CLSTN1: variants seen among roughly 807,000 people sequenced by gnomAD.
CLSTN1 encodes the protein calsyntenin-1.
In CLSTN1, 28 loss-of-function variants were observed where a neutral mutation model predicts 108.3. The ratio of observed to expected loss-of-function variants is 0.26; its 90% CI spans 0.19 to 0.35. The LOEUF is 0.35. Ranked by LOEUF, CLSTN1 falls within the 10% of genes least tolerant of loss-of-function variation. CLSTN1 has a pLI of 1.00. For missense variants in CLSTN1, 1,157 were observed against 1,302.6 expected (o/e 0.89, Z 1.72); for synonymous variants, 524 against 534.9 (o/e 0.98, Z 0.28).
chr1:9,792,714 T>G (rs1210866972), intron 1 of CLSTN1, among the ~76,000 whole-genome samples: 1 of 151,410 alleles, frequency 6.6e-6, no homozygotes, highest in Non-Finnish European at 1.5e-5. Context: ...GATGGGTCCC[T>G]GAAACAAGAG....
chr1:9,771,046 TAGTA>T (rs1652650977), intron 2 of CLSTN1, among the ~76,000 whole-genome samples: 2 of 151,994 alleles, frequency 1.3e-5, no homozygotes, highest in South Asian at 4.2e-4. Context: ...ATTAACAACA[TAGTA>T]AGATCACACT....
At chr1:9,806,740 G>T (rs148878941) in intron 1 of CLSTN1, among the ~76,000 whole-genome samples, 4 of 151,724 alleles carry the variant, frequency 2.6e-5, no homozygotes, top group Non-Finnish European at 5.9e-5. Flanking sequence ...TTAACCGGGC[G>T]TGGTGGCGGG....
chr1:9,738,880 G>A (rs1171909012), intron 10 of CLSTN1, among the ~76,000 whole-genome samples: 1 of 152,154 alleles, frequency 6.6e-6, no homozygotes, highest in East Asian at 1.9e-4. Context: ...AAATTCTCCT[G>A]ACCTTGAGTG....
At chr1:9,747,908 G>A (rs1052592685) in intron 7 of CLSTN1, among the ~76,000 whole-genome samples, 2 of 151,972 alleles carry the variant, frequency 1.3e-5, no homozygotes, top group African/African-American at 4.8e-5. Context: ...GCCGGGCATG[G>A]TGGCAGGTGC....
intron 9 of CLSTN1, 21 bp from the exon 10 acceptor site, chr1:9,741,277 G>A (rs760567652): frequency 2.6e-5 from 41 of 1,592,602 alleles, no homozygotes; most frequent in Admixed American, 5.0e-5. Context: ...AAAGGGAAGC[G>A]GGGAGGTGTG....
chr1:9,745,768 T>G (rs1412983942), intron 7 of CLSTN1, among the ~76,000 whole-genome samples: 4 of 141,122 alleles, frequency 2.8e-5, no homozygotes, highest in African/African-American at 5.3e-5. Context: ...AATAGTTGTT[T>G]TTTTTTTTTT....
intron 1 of CLSTN1, among the ~76,000 whole-genome samples, chr1:9,798,496 G>A (rs1654112074): frequency 6.6e-6 from 1 of 152,200 alleles, no homozygotes; most frequent in Non-Finnish European, 1.5e-5. Context: ...AAAAGGTCAC[G>A]TATCACATGA....
At chr1:9,737,679 C>G in intron 10 of CLSTN1, 125 bp from the exon 11 acceptor site, 1 of 827,118 alleles carries the variant, frequency 1.2e-6, no homozygotes. Flanking sequence ...CCTCGTGATC[C>G]CGCTCTGGGA....
chr1:9,795,822 G>A (rs1007255130), intron 1 of CLSTN1, among the ~76,000 whole-genome samples: 1 of 150,952 alleles, frequency 6.6e-6, no homozygotes, highest in African/African-American at 2.4e-5. Flanking sequence ...AAGCATGGTG[G>A]TGCATGCCTA....
At chr1:9,792,888 T>G (rs768081193) in intron 1 of CLSTN1, among the ~76,000 whole-genome samples, 1 of 151,388 alleles carries the variant, frequency 6.6e-6, no homozygotes, top group Non-Finnish European at 1.5e-5. Context: ...AGCTAAGTTT[T>G]GTGAAACGGA....
intron 2 of CLSTN1, among the ~76,000 whole-genome samples, chr1:9,769,991 C>A (rs1361932312): frequency 6.8e-6 from 1 of 146,324 alleles, no homozygotes; most frequent in Non-Finnish European, 1.5e-5. Flanking sequence ...GATCGCGCCA[C>A]TGCACCCCAG....
chr1:9,787,494 C>T (rs1653552750), intron 1 of CLSTN1, among the ~76,000 whole-genome samples: 1 of 147,462 alleles, frequency 6.8e-6, no homozygotes, highest in South Asian at 2.3e-4. Flanking sequence ...AGCTCCGCCT[C>T]CCGGGTTCAC....
chr1:9,753,151 C>T (rs1008375172), intron 4 of CLSTN1, among the ~76,000 whole-genome samples: 2 of 152,096 alleles, frequency 1.3e-5, no homozygotes, highest in African/African-American at 4.8e-5. Flanking sequence ...ATCAGGCAGT[C>T]GATTCTCATA....
chr1:9,753,905 C>T (rs771986637), intron 4 of CLSTN1, among the ~76,000 whole-genome samples: 4 of 152,020 alleles, frequency 2.6e-5, no homozygotes, highest in Non-Finnish European at 4.4e-5. Flanking sequence ...CTCAACCTCT[C>T]GGGCTCAAGC....
chr1:9,774,340 C>T (rs771390419), intron 1 of CLSTN1, among the ~76,000 whole-genome samples: 2 of 151,926 alleles, frequency 1.3e-5, no homozygotes, highest in Non-Finnish European at 2.9e-5. Context: ...CTGACGAGGG[C>T]GGATCACCTG....
chr1:9,757,020 C>T (rs1240510419), intron 2 of CLSTN1, among the ~76,000 whole-genome samples: 10 of 151,632 alleles, frequency 6.6e-5, no homozygotes, highest in South Asian at 2.1e-4. Context: ...CCTCGTGATC[C>T]GCCCACCTCG....
intron 11 of CLSTN1, among the ~76,000 whole-genome samples, chr1:9,736,504 T>G (rs1007918458): frequency 6.6e-6 from 1 of 152,152 alleles, no homozygotes; most frequent in African/African-American, 2.4e-5. Context: ...AGGCTTAAAA[T>G]ACTCCCTGCA....
At position 9,823,815 on chromosome 1, in the gene CLSTN1, G is replaced by T. The variant is rs998632250; in HGVS notation, c.-82C>A. The T allele has an allele frequency of 4.6e-5, 32 of 701,592 alleles. No individual in the cohort carries two copies. Among genetic ancestry groups the T allele is most frequent in the Non-Finnish European group, 5.5e-5 (31 of 564,250 alleles). 43.5% of individuals were successfully genotyped at this position (701,592 alleles called of 1,614,324 possible). A position where few individuals can be genotyped will look rare whatever the true frequency, so the allele number is the denominator to read the frequency against. On this transcript the variant is annotated 5_prime_UTR_variant, in exon 1 of 19. Coordinates refer to ENST00000377298, the MANE Select transcript of CLSTN1 (RefSeq NM_001009566.3). This position sits in a 1 kb window ranked among gnomAD's most constrained non-coding sequence, Gnocchi z 6.3. Reference sequence around the variant, plus strand: ...GGAGCTCTCGGGGCTCTAGGGGCCTGGGGCTAGCTGCTCCGCGGCGCGGGG... The same window carrying T: ...GGAGCTCTCGGGGCTCTAGGGGCCTTGGGCTAGCTGCTCCGCGGCGCGGGG...
chr1:9,747,176 C>CAAAAAAAAAAAAAAAAAAAAAAA (rs70998306), intron 7 of CLSTN1, among the ~76,000 whole-genome samples: 1 of 32,724 alleles, frequency 3.1e-5, no homozygotes, highest in East Asian at 1.2e-3. Flanking sequence ...GAGACTGTCT[C>CAAAAAAAAAAAAAAAAAAAAAAA]AAAAAAAAAA....
Sources: gnomAD v4.1 joint callset for allele counts (sites outside exome capture counted in the v4.1 genomes callset) on GRCh38, gnomAD v4.1.1 for gene constraint, Gnocchi (gnomAD v3.1) non-coding constraint, MANE v1.5 for transcripts, NCBI Gene and HGNC (gene_info 2026-07-23, HGNC 2026-07-21) for gene names.